TTLL1: variants seen among roughly 807,000 people sequenced by gnomAD.
TTLL1 encodes TTL family tubulin polyglutamylase complex subunit L1.
TTLL1 carries 33 observed loss-of-function variants against 47.8 expected under a neutral mutation model. The observed-to-expected ratio is 0.69, with a 90% CI of 0.52 to 0.92. The LOEUF is 0.92. Ranked by LOEUF, TTLL1 falls within the 40% of genes least tolerant of loss-of-function variation. The pLI is 0.00. For missense variants in TTLL1, 488 were observed against 547.5 expected (o/e 0.89, Z 1.08); for synonymous variants, 225 against 214.1 (o/e 1.05, Z -0.45).
At chr22:43,045,421 A>C (rs897827125) in intron 10 of TTLL1, among the ~76,000 whole-genome samples, 16 of 151,888 alleles carry the variant, frequency 1.1e-4, no homozygotes, top group African/African-American at 3.6e-4. Flanking sequence ...CAAGCCCTCG[A>C]AAGTTAGCTA....
chr22:43,067,094 A>G (rs1043450501), intron 5 of TTLL1, among the ~76,000 whole-genome samples: 8 of 152,262 alleles, frequency 5.3e-5, no homozygotes, highest in Non-Finnish European at 1.0e-4. Context: ...AGGATCAGAC[A>G]GAAGCTTTGC....
Position 43,063,978 on chromosome 22 carries a change from C to G in TTLL1, c.639-57G>C, listed in dbSNP as rs531599211. The G allele has an allele frequency of 5.8e-6, 9 of 1,562,670 alleles. No individual in the cohort carries two copies. In the South Asian group the frequency reaches 1.0e-4, roughly 18 times the overall value. On this transcript the variant is annotated intron_variant, in intron 6 of 10. Coordinates refer to ENST00000266254, the MANE Select transcript of TTLL1 (RefSeq NM_012263.5). Reference sequence around the variant, plus strand: ...GAGGAGAAACAAAAAGAAAAGACACCACTTCATTCTCTAAAAAGAGCTGCT... The same window carrying G: ...GAGGAGAAACAAAAAGAAAAGACACGACTTCATTCTCTAAAAAGAGCTGCT...
At chr22:43,064,478 C>A (rs1569431218) in intron 5 of TTLL1, among the ~76,000 whole-genome samples, 154 bp from the exon 6 acceptor site, 1 of 152,166 alleles carries the variant, frequency 6.6e-6, no homozygotes, top group Non-Finnish European at 1.5e-5. Flanking sequence ...GTAATCCCAG[C>A]ACTTTGGGAG....
chr22:43,076,002 G>A lies in TTLL1; in HGVS notation c.-4-412C>T, dbSNP rs1392443637. Among the ~76,000 whole-genome samples the A allele has an allele frequency of 5.9e-5, 9 of 152,240 alleles. No homozygotes were observed. The East Asian group carries it at 1.7e-3, about 29-fold the overall frequency. On this transcript the variant is annotated intron_variant, in intron 2 of 10. Transcript: ENST00000266254. ...AAAGGAGGGGCACATGGGGCTCTGA[G>A]AGCCGCAGACAGGGCAGCTGGGGAG...
chr22:43,044,385 G>C (rs940491530), intron 10 of TTLL1, among the ~76,000 whole-genome samples: 4 of 152,018 alleles, frequency 2.6e-5, no homozygotes, highest in Non-Finnish European at 4.4e-5. Context: ...GCTGTAACAC[G>C]CACATCCACA....
chr22:43,074,004 A>C (rs2146985634), intron 3 of TTLL1, among the ~76,000 whole-genome samples: 1 of 150,638 alleles, frequency 6.6e-6, no homozygotes, highest in African/African-American at 2.4e-5. Flanking sequence ...TTGTATTTTT[A>C]GTAGAGACAA....
At chr22:43,061,460 G>A (rs1405794658) in intron 7 of TTLL1, among the ~76,000 whole-genome samples, 1 of 152,194 alleles carries the variant, frequency 6.6e-6, no homozygotes, top group South Asian at 2.1e-4. Flanking sequence ...GTCCAGCCTC[G>A]TCTGACCAAA....
At chr22:43,066,323 C>T (rs1190650611) in intron 5 of TTLL1, among the ~76,000 whole-genome samples, 1 of 151,964 alleles carries the variant, frequency 6.6e-6, no homozygotes, top group African/African-American at 2.4e-5. Context: ...GGAGGACACA[C>T]CCCCTGCCCC....
intron 1 of TTLL1, among the ~76,000 whole-genome samples, chr22:43,083,025 AAATAAT>A (rs34036244): frequency 2.7e-5 from 4 of 148,282 alleles, no homozygotes; most frequent in African/African-American, 9.8e-5. Context: ...AAAAATAATA[AAATAAT>A]AATAATAATA....
At chr22:43,073,010 T>C (rs1252992443) in intron 3 of TTLL1, among the ~76,000 whole-genome samples, 2 of 152,148 alleles carry the variant, frequency 1.3e-5, no homozygotes, top group African/African-American at 2.4e-5. Context: ...TTTCAATTCA[T>C]TGCAATTATT....
chr22:43,055,285 A>C (rs1926925416), intron 8 of TTLL1, among the ~76,000 whole-genome samples: 1 of 151,558 alleles, frequency 6.6e-6, no homozygotes, highest in Non-Finnish European at 1.5e-5. Context: ...CAGCCTCTCA[A>C]AGTGCTGGGA....
intron 8 of TTLL1, among the ~76,000 whole-genome samples, chr22:43,053,601 G>A (rs1330443181): frequency 6.6e-6 from 1 of 152,168 alleles, no homozygotes; most frequent in Non-Finnish European, 1.5e-5. Context: ...GGGGGTCTCA[G>A]AGCCACCTCC....
At position 43,068,585 on chromosome 22, in the gene TTLL1, C is replaced by A; in HGVS notation, c.328G>T (p.Val110Phe). The change falls in exon 5 of 11, where the codon GTT (valine) becomes TTT (phenylalanine). Residue 110 changes from valine (V) to phenylalanine (F), a missense_variant. Physicochemically the swap from Val to Phe is conservative, Grantham distance 50. Transcript: ENST00000266254. ...GCGGGCAGCATATAGGTGACTGGAA[C>A]AAAGTCTGCAAGGCAAAGACACCCA... ...ENGKYLYLDFVPVTYMLPADY... is the reference protein window; with the variant it reads ...ENGKYLYLDFFPVTYMLPADY... 6.8e-7 allele frequency: 1 copy of A among 1,480,560 alleles called. No homozygotes were observed. The highest frequency in any genetic ancestry group is 9.1e-7 in the Non-Finnish European group (1 of 1,096,768). 91.7% of individuals were successfully genotyped at this position (1,480,560 alleles called of 1,614,324 possible). A position where few individuals can be genotyped will look rare whatever the true frequency, so the allele number is the denominator to read the frequency against.
At chr22:43,076,963 C>CAT (rs1555965309) in intron 2 of TTLL1, among the ~76,000 whole-genome samples, 1 of 145,986 alleles carries the variant, frequency 6.8e-6, no homozygotes, top group African/African-American at 2.6e-5. Flanking sequence ...TAGCCGGGTG[C>CAT]GGTGGCAGGC....
At chr22:43,055,890 A>C (rs1022165583) in intron 8 of TTLL1, among the ~76,000 whole-genome samples, 1 of 151,344 alleles carries the variant, frequency 6.6e-6, no homozygotes, top group Non-Finnish European at 1.5e-5. Context: ...TTCCACAGAG[A>C]ATGTTTCTTT....
At chr22:43,070,638 T>C (rs1023979517) in intron 3 of TTLL1, among the ~76,000 whole-genome samples, 1 of 152,092 alleles carries the variant, frequency 6.6e-6, no homozygotes, top group Non-Finnish European at 1.5e-5. Context: ...GACTTTTTAT[T>C]ATGGAAAACC....
chr22:43,085,545 C>A (rs902588205), intron 1 of TTLL1, among the ~76,000 whole-genome samples: 1 of 152,108 alleles, frequency 6.6e-6, no homozygotes, highest in African/African-American at 2.4e-5. Flanking sequence ...TTTATAAATG[C>A]GAGTTCCCCT....
rs61161449 is a variant in TTLL1 at position 43,044,865 on chromosome 22, C to CT, written c.1142+1544dup. ...CCCATGGTGTAGCTCTGGGTCAATC[C>CT]TTTTTTTTTTTTTTGGAGACAGAGT... On this transcript the variant is annotated intron_variant, in intron 10 of 10. Coordinates refer to ENST00000266254, the MANE Select transcript of TTLL1 (RefSeq NM_012263.5). 6.6e-3 allele frequency among the ~76,000 whole-genome samples: 942 copies of CT among 143,418 alleles called. 11 individuals carry two copies. Among genetic ancestry groups the CT allele is most frequent in the African/African-American group, 0.02 (776 of 39,466 alleles). 94.1% of individuals were successfully genotyped at this position (143,418 alleles called of 152,430 possible).
At chr22:43,086,290 G>A (rs1260150625) in intron 1 of TTLL1, among the ~76,000 whole-genome samples, 1 of 152,152 alleles carries the variant, frequency 6.6e-6, no homozygotes, top group Non-Finnish European at 1.5e-5. Context: ...CTTTTATGTT[G>A]AATGCAGCTC....
Sources: gnomAD v4.1 joint callset for allele counts (sites outside exome capture counted in the v4.1 genomes callset) on GRCh38, gnomAD v4.1.1 for gene constraint, MANE v1.5 for transcripts, NCBI Gene and HGNC (gene_info 2026-07-23, HGNC 2026-07-21) for gene names.